Variants in CCDC47 observed in about 807,000 individuals in gnomAD.
CCDC47 encodes the protein PAT complex subunit CCDC47.
CCDC47 carries 41 observed loss-of-function variants against 60.5 expected under a neutral mutation model. The ratio of observed to expected loss-of-function variants is 0.68; its 90% CI spans 0.53 to 0.88. CCDC47 has a LOEUF of 0.88. CCDC47 is among the 40% of genes least tolerant of loss of function. The probability of loss-of-function intolerance (pLI) is 0.00; values close to 1 mark genes in which losing one functional copy is unlikely to be tolerated. For missense variants in CCDC47, 513 were observed against 580.9 expected (o/e 0.88, Z 1.20); for synonymous variants, 195 against 190.7 (o/e 1.02, Z -0.18).
intron 1 of CCDC47, among the ~76,000 whole-genome samples, chr17:63,773,088 TTA>T (rs2039363067): frequency 6.6e-6 from 1 of 152,206 alleles, no homozygotes; most frequent in South Asian, 2.1e-4. Context: ...CTCTGTCTCT[TTA>T]TATGTGTTGG....
chr17:63,751,880 AGAACAC>A, intron 12 of CCDC47, 54 bp downstream of exon 12: 1 of 1,576,940 alleles, frequency 6.3e-7, no homozygotes, highest in Non-Finnish European at 8.7e-7. Flanking sequence ...AACAACCAAC[AGAACAC>A]AAGCAGTCAT....
At chr17:63,767,843 T>A (rs557754420) in intron 1 of CCDC47, among the ~76,000 whole-genome samples, 1 of 152,332 alleles carries the variant, frequency 6.6e-6, no homozygotes, top group South Asian at 2.1e-4. Flanking sequence ...CGTATATTAA[T>A]ATCAATCACA....
At chr17:63,761,152 G>A in intron 5 of CCDC47, 78 bp downstream of exon 5, 1 of 1,559,024 alleles carries the variant, frequency 6.4e-7, no homozygotes, top group Non-Finnish European at 8.8e-7. Context: ...GGGATAAGAT[G>A]CTGAATTGGG....
At chr17:63,759,353 G>A (rs1384848252) in intron 6 of CCDC47, among the ~76,000 whole-genome samples, 2 of 149,510 alleles carry the variant, frequency 1.3e-5, no homozygotes, top group African/African-American at 4.9e-5. Flanking sequence ...GCTGGGCATG[G>A]TGGCAGGCGC....
At chr17:63,751,139 C>G (rs529763670) in intron 12 of CCDC47, among the ~76,000 whole-genome samples, 4 of 151,300 alleles carry the variant, frequency 2.6e-5, no homozygotes, top group African/African-American at 9.7e-5. Context: ...CTTAGCCTCC[C>G]AAAGTGCTGG....
At chr17:63,748,014 C>T (rs2039133364) in intron 12 of CCDC47, among the ~76,000 whole-genome samples, 1 of 151,240 alleles carries the variant, frequency 6.6e-6, no homozygotes, top group Non-Finnish European at 1.5e-5. Context: ...GCCACCACAC[C>T]CAGCTGATTT....
At chr17:63,756,622 A>T (rs756958232) in intron 6 of CCDC47, 52 bp from the exon 7 acceptor site, 1 of 1,269,430 alleles carries the variant, frequency 7.9e-7, no homozygotes, top group South Asian at 1.2e-5. Context: ...GTTCTGTGAT[A>T]GGCAGATTTC....
At chr17:63,747,057 A>G (rs2039125927) in intron 12 of CCDC47, 96 bp from the exon 13 acceptor site, 2 of 1,530,906 alleles carry the variant, frequency 1.3e-6, no homozygotes, top group Admixed American at 2.1e-5. Flanking sequence ...TCCAAATTAG[A>G]ATACTGCCTA....
chr17:63,764,718 A>C, intron 3 of CCDC47, 22 bp downstream of exon 3: 4 of 1,595,938 alleles, frequency 2.5e-6, no homozygotes, highest in Non-Finnish European at 2.6e-6. Context: ...TTAGTTGGGA[A>C]TTCAGAATCC....
In CCDC47 at chr17:63,752,377, CA is replaced by C. The variant is rs750123815; in HGVS notation, c.1145del (p.Leu382ArgfsTer2). The C allele has an allele frequency of 3.7e-6, 6 of 1,613,890 alleles. No homozygotes were observed. Among genetic ancestry groups the C allele is most frequent in the Non-Finnish European group, 5.1e-6 (6 of 1,179,962 alleles). On this transcript the variant is annotated frameshift_variant, in exon 11 of 13. Transcript: ENST00000225726. LOFTEE classifies it high-confidence loss of function. ...YPKDMEALLP[L>X]MNMVIYSIDK... ...CAATAGAATAAATCACCATGTTCAT[CA>C]GGGGTAGCAGTGCCTCCATATCCTT... is the stretch of plus-strand genomic sequence containing the variant.
intron 1 of CCDC47, among the ~76,000 whole-genome samples, chr17:63,768,566 T>G (rs1840170785): frequency 6.6e-6 from 1 of 152,126 alleles, no homozygotes. Flanking sequence ...GGCATGTGCC[T>G]GTAGTCCCAG....
At chr17:63,754,393 G>T in intron 9 of CCDC47, 40 bp downstream of exon 9, 2 of 1,224,942 alleles carry the variant, frequency 1.6e-6, no homozygotes, top group Non-Finnish European at 2.4e-6. Flanking sequence ...CAGAAAGCTA[G>T]TGAGGAAAAT....
At chr17:63,759,580 A>AG (rs2039240755) in intron 6 of CCDC47, among the ~76,000 whole-genome samples, 1 of 105,774 alleles carries the variant, frequency 9.5e-6, no homozygotes, top group East Asian at 3.2e-4. Flanking sequence ...TATATATAAA[A>AG]CAATGATTTT....
chr17:63,752,508 T>C (rs1293234201), intron 10 of CCDC47, 79 bp from the exon 11 acceptor site: 1 of 976,870 alleles, frequency 1.0e-6, no homozygotes, highest in Non-Finnish European at 1.5e-6. Flanking sequence ...TTTTTTTTTT[T>C]AATCTTAAGA....
In CCDC47 at chr17:63,756,532, G is replaced by A. The variant is rs774958284; in HGVS notation, c.774C>T (p.Thr258=). The change falls in exon 7 of 13, where the codon ACC becomes ACT. Residue 258 remains threonine, a synonymous_variant. Coordinates refer to ENST00000225726, the MANE Select transcript of CCDC47 (RefSeq NM_020198.3). ...KVTMNDEDMD[T]YVFAVGTRKA... is the part of the protein sequence containing the mutation. ...TCCGTGTGCCAACAGCAAATACGTA[G>A]GTATCCATGTCTTCATCATTCATGG... 2.5e-6 allele frequency: 4 copies of A among 1,613,684 alleles called. No homozygotes were observed. The highest frequency in any genetic ancestry group is 3.4e-6 in the Non-Finnish European group (4 of 1,179,720).
intron 6 of CCDC47, among the ~76,000 whole-genome samples, chr17:63,760,336 C>T (rs909741516): frequency 6.6e-6 from 1 of 152,164 alleles, no homozygotes; most frequent in South Asian, 2.1e-4. Context: ...GCTTTGCCCT[C>T]TATTGTCAAG....
Position 63,766,021 on chromosome 17 carries a change from T to A in CCDC47, c.155A>T (p.Glu52Val). The change falls in exon 2 of 13, where the codon GAA (glutamate) becomes GTA (valine). Residue 52 changes from glutamate (E) to valine (V), a missense_variant. Physicochemically the swap from Glu to Val is moderately radical, Grantham distance 121. Coordinates refer to ENST00000225726, the MANE Select transcript of CCDC47 (RefSeq NM_020198.3). Reference protein sequence around the residue: ...FEDVMEDSVTESPQRVIITED... With the variant: ...FEDVMEDSVTVSPQRVIITED... Reference sequence around the variant, plus strand: ...AGTGATTATGACCCGTTGAGGAGATTCAGTAACAGAGTCTTCCATGACATC... The same window carrying A: ...AGTGATTATGACCCGTTGAGGAGATACAGTAACAGAGTCTTCCATGACATC... 6.2e-7 allele frequency: 1 copy of A among 1,614,106 alleles called. No homozygotes were observed. Among genetic ancestry groups the A allele is most frequent in the Non-Finnish European group, 8.5e-7 (1 of 1,179,994 alleles).
intron 1 of CCDC47, among the ~76,000 whole-genome samples, chr17:63,770,126 A>AT (rs1351354715): frequency 6.6e-6 from 1 of 151,206 alleles, no homozygotes; most frequent in Non-Finnish European, 1.5e-5. Flanking sequence ...TGCCTGGCTA[A>AT]TTTTTTTTGT....
chr17:63,756,539 A>G lies in CCDC47; in HGVS notation c.767T>C (p.Met256Thr), dbSNP rs760377677. The G allele has an allele frequency of 6.2e-7, 1 of 1,613,810 alleles. No individual in the cohort carries two copies. ...QIKVTMNDED[M>T]DTYVFAVGTR... ...GCCAACAGCAAATACGTAGGTATCC[A>G]TGTCTTCATCATTCATGGTTACTTT... The change falls in exon 7 of 13, where the codon ATG becomes ACG. Residue 256 changes from methionine to threonine, a missense_variant. Met to Thr is a moderately conservative substitution (Grantham distance 81). Transcript: ENST00000225726.
Sources: gnomAD v4.1 joint callset for allele counts (sites outside exome capture counted in the v4.1 genomes callset) on GRCh38, gnomAD v4.1.1 for gene constraint, MANE v1.5 for transcripts, NCBI Gene and HGNC (gene_info 2026-07-23, HGNC 2026-07-21) for gene names.